Variants in MALT1 observed in about 807,000 individuals in gnomAD.
MALT1 encodes mucosa-associated lymphoid tissue lymphoma translocation protein 1.
In MALT1, 36 loss-of-function variants were observed where a neutral mutation model predicts 85.5. The ratio of observed to expected loss-of-function variants is 0.42; its 90% CI spans 0.32 to 0.56. The LOEUF is 0.56. Ranked by LOEUF, MALT1 falls within the 20% of genes least tolerant of loss-of-function variation. MALT1 has a pLI of 0.10. For missense variants in MALT1, 716 were observed against 981.6 expected (o/e 0.73, Z 3.62); for synonymous variants, 359 against 361.3 (o/e 0.99, Z 0.07).
chr18:58,688,236 T>G, intron 2 of MALT1, among the ~76,000 whole-genome samples: 1 of 151,792 alleles, frequency 6.6e-6, no homozygotes, highest in East Asian at 1.9e-4. Flanking sequence ...CCAGGGGTGG[T>G]TTCCAAATCA....
rs1393886614 is a variant in MALT1 at position 58,750,946 on chromosome 18, A to T, written c.*3104A>T. 1 of 152,228 alleles carries T rather than the reference A, an allele frequency of 6.6e-6. No homozygotes were observed. The highest frequency in any genetic ancestry group is 2.4e-5 in the African/African-American group (1 of 41,450). The allele number at this position is 152,228 out of a possible 1,614,324, so 9.4% of individuals were successfully genotyped here. A position where few individuals can be genotyped will look rare whatever the true frequency, so the allele number is the denominator to read the frequency against. On this transcript the variant is annotated 3_prime_UTR_variant, in exon 17 of 17. Coordinates refer to ENST00000649217, the MANE Select transcript of MALT1 (RefSeq NM_006785.4). The stretch of plus-strand genomic sequence containing the variant: ...AAGTGAAGTTAACCCTCAGAATGGG[A>T]GAAAAATTTTTGAAAAATCATGTAT...
intron 13 of MALT1, among the ~76,000 whole-genome samples, chr18:58,738,172 TTTTA>T (rs2055251769): frequency 6.6e-6 from 1 of 152,186 alleles, no homozygotes; most frequent in Non-Finnish European, 1.5e-5. Flanking sequence ...TTTTACATAG[TTTTA>T]TTGAGTTTAT....
intron 9 of MALT1, among the ~76,000 whole-genome samples, chr18:58,720,126 GT>G: frequency 6.6e-6 from 1 of 152,116 alleles, no homozygotes; most frequent in African/African-American, 2.4e-5. Context: ...TGGCATTTTT[GT>G]TTCACTTTTC....
Position 58,733,369 on chromosome 18 carries a change from ATC to A in MALT1, c.1223-20_1223-19del, listed in dbSNP as rs753576937. On this transcript the variant is annotated intron_variant, in intron 10 of 16. Coordinates refer to ENST00000649217, the MANE Select transcript of MALT1 (RefSeq NM_006785.4). ...CAGAGTGCATTTAGAATTGACATCT[ATC>A]TCTCTCTTATTTTTCCTCTTTTCAG... 54 of 1,468,028 alleles carry A rather than the reference ATC, an allele frequency of 3.7e-5. 1 individual carries two copies. The highest frequency in any genetic ancestry group is 1.6e-4 in the African/African-American group (11 of 70,874). The allele number at this position is 1,468,028 out of a possible 1,614,324, so 90.9% of individuals were successfully genotyped here. A position where few individuals can be genotyped will look rare whatever the true frequency, so the allele number is the denominator to read the frequency against.
chr18:58,684,439 C>CTTTTTTTTTTTTTTTTTTTTTTTT, intron 2 of MALT1, among the ~76,000 whole-genome samples: 1 of 73,546 alleles, frequency 1.4e-5, no homozygotes, highest in Non-Finnish European at 2.7e-5. Flanking sequence ...AAGATTTACT[C>CTTTTTTTTTTTTTTTTTTTTTTTT]TTTTTTTTTT....
intron 4 of MALT1, among the ~76,000 whole-genome samples, chr18:58,707,506 A>G (rs1269214700): frequency 1.3e-5 from 2 of 152,052 alleles, no homozygotes; most frequent in African/African-American, 4.8e-5. Context: ...TACACATGCC[A>G]TGGTGGTTTG....
At chr18:58,732,895 CTG>C (rs2055171141) in intron 10 of MALT1, among the ~76,000 whole-genome samples, 1 of 151,520 alleles carries the variant, frequency 6.6e-6, no homozygotes, top group African/African-American at 2.4e-5. Context: ...TAAGTGCAGA[CTG>C]TTGGTAATTT....
In MALT1 at chr18:58,733,379, T is replaced by C. The variant is rs201747204; in HGVS notation, c.1223-18T>C. 4 of 1,527,800 alleles carry C rather than the reference T, an allele frequency of 2.6e-6. No individual in the cohort carries two copies. The highest frequency in any genetic ancestry group is 1.9e-5 in the Admixed American group (1 of 51,808). 94.6% of individuals were successfully genotyped at this position (1,527,800 alleles called of 1,614,324 possible). ...TTAGAATTGACATCTATCTCTCTCT[T>C]ATTTTTCCTCTTTTCAGGGTTATTA... On this transcript the variant is annotated intron_variant, in intron 10 of 16. Transcript: ENST00000649217.
In MALT1 at chr18:58,748,393, A is replaced by ATATAT. The variant is rs1325792977; in HGVS notation, c.*551_*552insTATAT. On this transcript the variant is annotated 3_prime_UTR_variant, in exon 17 of 17. Transcript: ENST00000649217. Reference sequence around the variant, plus strand: ...AGTGAAATATATTTATATATATATAAATATATACAGATACATATCTGTGTA... The same window carrying ATATAT: ...AGTGAAATATATTTATATATATATAATATATATATATACAGATACATATCTGTGTA... The ATATAT allele has an allele frequency of 1.1e-5, 2 of 177,702 alleles. No homozygotes were observed. The highest frequency in any genetic ancestry group is 4.7e-5 in the African/African-American group (2 of 42,344). 11.0% of individuals were successfully genotyped at this position (177,702 alleles called of 1,614,324 possible). A position where few individuals can be genotyped will look rare whatever the true frequency, so the allele number is the denominator to read the frequency against.
intron 8 of MALT1, among the ~76,000 whole-genome samples, chr18:58,715,577 A>G (rs1006124348): frequency 8.5e-5 from 13 of 152,138 alleles, no homozygotes; most frequent in African/African-American, 2.2e-4. Context: ...GCTACTTACT[A>G]GCTTCATAAC....
rs948902150 is a variant in MALT1, at chr18:58,749,756, CTT to C, written c.*1916_*1917del. The C allele has an allele frequency of 9.2e-5, 20 of 216,870 alleles. No homozygotes were observed. Among genetic ancestry groups the C allele is most frequent in the African/African-American group, 3.8e-4 (17 of 44,480 alleles). The allele number at this position is 216,870 out of a possible 1,614,324, so 13.4% of individuals were successfully genotyped here. ...ACAGCATTTGATAAAATCCAAAACT[CTT>C]TCATAAAAACACTCAACAAACTTAG... On this transcript the variant is annotated 3_prime_UTR_variant, in exon 17 of 17. Transcript: ENST00000649217.
intron 4 of MALT1, among the ~76,000 whole-genome samples, chr18:58,705,837 C>T (rs887420594): frequency 2.0e-5 from 3 of 152,028 alleles, no homozygotes; most frequent in Non-Finnish European, 4.4e-5. Flanking sequence ...TGGGTATATA[C>T]CCAGTAATGG....
At chr18:58,723,892 A>T (rs2055018034) in intron 10 of MALT1, among the ~76,000 whole-genome samples, 1 of 152,190 alleles carries the variant, frequency 6.6e-6, no homozygotes, top group African/African-American at 2.4e-5. Context: ...TTCAAAGGAG[A>T]CAGAATGTGC....
chr18:58,734,821 G>A (rs1360223638), intron 12 of MALT1, among the ~76,000 whole-genome samples: 1 of 152,080 alleles, frequency 6.6e-6, no homozygotes, highest in African/African-American at 2.4e-5. Flanking sequence ...AAGCTTATTG[G>A]TGTATACAGA....
intron 4 of MALT1, among the ~76,000 whole-genome samples, chr18:58,707,022 C>CT (rs905950628): frequency 4.0e-5 from 6 of 151,386 alleles, no homozygotes; most frequent in South Asian, 2.1e-4. Context: ...CTTGTAAGCT[C>CT]TTTTTTTTTC....
In MALT1 at chr18:58,671,673, C is replaced by T. The variant is rs2054162375; in HGVS notation, c.30C>T (p.Ala10=). MSLLGDPLQ[A]LPPSAAPTGP... Reference sequence around the variant, plus strand: ...CGCTGTTGGGGGACCCGCTACAGGCCCTGCCGCCCTCGGCCGCCCCCACGG... The same window carrying T: ...CGCTGTTGGGGGACCCGCTACAGGCTCTGCCGCCCTCGGCCGCCCCCACGG... The change falls in exon 1 of 17, where the codon GCC becomes GCT. Residue 10 remains alanine (A), a synonymous_variant. Coordinates refer to ENST00000649217, the MANE Select transcript of MALT1 (RefSeq NM_006785.4). The T allele has an allele frequency of 3.2e-6, 4 of 1,241,284 alleles. No individual in the cohort carries two copies. Among genetic ancestry groups the T allele is most frequent in the Non-Finnish European group, 4.0e-6 (4 of 994,122 alleles). The allele number at this position is 1,241,284 out of a possible 1,614,324, so 76.9% of individuals were successfully genotyped here. A position where few individuals can be genotyped will look rare whatever the true frequency, so the allele number is the denominator to read the frequency against.
chr18:58,686,226 C>G (rs923684942), intron 2 of MALT1, among the ~76,000 whole-genome samples: 2 of 152,156 alleles, frequency 1.3e-5, no homozygotes, highest in African/African-American at 2.4e-5. Flanking sequence ...GAGGTTTCAC[C>G]ATGTTGGCCA....
Position 58,747,906 on chromosome 18 carries a change from A to AAGTGAGACATTG in MALT1, c.*65_*76dup. 1 of 1,366,310 alleles carries AAGTGAGACATTG rather than the reference A, an allele frequency of 7.3e-7. No individual in the cohort carries two copies. Among genetic ancestry groups the AAGTGAGACATTG allele is most frequent in the Non-Finnish European group, 1.0e-6 (1 of 985,634 alleles). The allele number at this position is 1,366,310 out of a possible 1,614,324, so 84.6% of individuals were successfully genotyped here. ...TGTGAAATAGTACTGCACTTACATA[A>AAGTGAGACATTG]AGTGAGACATTGTGAAAAGGCAAAT... On this transcript the variant is annotated 3_prime_UTR_variant, in exon 17 of 17. Transcript: ENST00000649217.
chr18:58,746,908 T>C (rs1010054889), intron 16 of MALT1, among the ~76,000 whole-genome samples: 2 of 152,154 alleles, frequency 1.3e-5, no homozygotes, highest in Admixed American at 1.3e-4. Flanking sequence ...TTTGTATTTT[T>C]AGTAGAGACA....
Sources: allele counts gnomAD v4.1 joint callset (sites outside exome capture counted in the v4.1 genomes callset), GRCh38; gene constraint gnomAD v4.1.1; transcripts MANE v1.5; gene names NCBI Gene and HGNC (gene_info 2026-07-23, HGNC 2026-07-21).